Variants in ATXN1 observed in about 807,000 individuals in gnomAD.
ATXN1 encodes ataxin 1, also known as ataxin-1.
Under a neutral mutation model 56.4 loss-of-function variants are expected in ATXN1, and 8 were observed. The ratio of observed to expected loss-of-function variants is 0.14; its 90% confidence interval spans 0.08 to 0.26. The LOEUF is 0.26. Among genes scored for constraint, ATXN1 ranks in the 10% least tolerant of loss-of-function variants. ATXN1 has a pLI of 1.00. For missense variants in ATXN1, 987 were observed against 1,106.5 expected (o/e 0.89, Z 1.53); for synonymous variants, 514 against 494.6 (o/e 1.04, Z -0.52).
chr6:16,318,746 G>GT (rs926760058), intron 7 of ATXN1, among the ~76,000 whole-genome samples: 1 of 152,168 alleles, frequency 6.6e-6, no homozygotes. Flanking sequence ...TAAAAGCTGG[G>GT]TTTTTCTTAC....
At chr6:16,578,069 A>AT (rs1305187315) in intron 4 of ATXN1, among the ~76,000 whole-genome samples, 2 of 152,082 alleles carry the variant, frequency 1.3e-5, no homozygotes, top group African/African-American at 4.8e-5. Flanking sequence ...TCTTGAATTC[A>AT]TTTTTGGTTC....
At chr6:16,478,648 C>A (rs76673595) in intron 6 of ATXN1, among the ~76,000 whole-genome samples, 2 of 152,116 alleles carry the variant, frequency 1.3e-5, no homozygotes, top group African/African-American at 2.4e-5. Flanking sequence ...ATGCTTATAA[C>A]GGGTAGCAAC....
Position 16,571,736 on chromosome 6 carries a change from C to T in ATXN1, c.-361+14044G>A, listed in dbSNP as rs559198733. Among the ~76,000 whole-genome samples the T allele has an allele frequency of 7.2e-5, 11 of 152,250 alleles. No homozygotes were observed. The South Asian group carries it at 2.3e-3, about 32-fold the overall frequency. On this transcript the variant is annotated intron_variant, in intron 4 of 7. Coordinates refer to ENST00000436367, the MANE Select transcript of ATXN1 (RefSeq NM_001128164.2). ...AGTGTAGTGGTGCGATCACAGCTCA[C>T]TGCAGCCTCAAACTCCTAGACTCAA... is the stretch of plus-strand genomic sequence containing the variant.
At chr6:16,717,549 AAGTAGC>A (rs1759664248) in intron 2 of ATXN1, among the ~76,000 whole-genome samples, 1 of 152,234 alleles carries the variant, frequency 6.6e-6, no homozygotes, top group Non-Finnish European at 1.5e-5. Flanking sequence ...CACATCAATA[AAGTAGC>A]TTCCAGTTAG....
In ATXN1 at chr6:16,675,824, G is replaced by A. The variant is rs184812657; in HGVS notation, c.-614-17923C>T. Among the ~76,000 whole-genome samples, 24 of 152,246 alleles carry A rather than the reference G, an allele frequency of 1.6e-4. No homozygotes were observed. In the East Asian group the frequency reaches 3.5e-3, roughly 22 times the overall value. ...GAATCACTTGAACCTGGGAGGTGGAGGCTGCAGTGAGCCAAGATTGCACCA... is the reference window on the plus strand; with the variant it reads ...GAATCACTTGAACCTGGGAGGTGGAAGCTGCAGTGAGCCAAGATTGCACCA... On this transcript the variant is annotated intron_variant, in intron 2 of 7. Transcript: ENST00000436367.
chr6:16,488,452 T>C (rs1760594635), intron 5 of ATXN1, among the ~76,000 whole-genome samples: 1 of 152,238 alleles, frequency 6.6e-6, no homozygotes, highest in African/African-American at 2.4e-5. Context: ...TCCGTCAACC[T>C]TCTCTCTTGG....
At chr6:16,717,846 G>A (rs566351204) in intron 2 of ATXN1, among the ~76,000 whole-genome samples, 111 of 152,316 alleles carry the variant, frequency 7.3e-4, no homozygotes, top group African/African-American at 2.7e-3. Context: ...AGCCCTCGCT[G>A]ACAGCATGGC....
At chr6:16,522,760 C>T (rs1216810367) in intron 4 of ATXN1, 72 bp from the exon 5 acceptor site, 1 of 152,050 alleles carries the variant, frequency 6.6e-6, no homozygotes, top group Admixed American at 6.5e-5. Flanking sequence ...ATGAGCAGGC[C>T]TAGAGGTGAT....
chr6:16,357,260 T>C (rs1292669281), intron 6 of ATXN1, among the ~76,000 whole-genome samples: 1 of 147,278 alleles, frequency 6.8e-6, no homozygotes, highest in Non-Finnish European at 1.5e-5. Context: ...TTATTTTATT[T>C]ATTTTATTTT....
intron 2 of ATXN1, among the ~76,000 whole-genome samples, chr6:16,730,487 G>GTGTATATATATATATATATATACATATA (rs141836403): frequency 7.6e-6 from 1 of 132,060 alleles, no homozygotes; most frequent in Non-Finnish European, 1.7e-5. Context: ...AAAACAGTAT[G>GTGTATATATATATATATATATACATATA]TATATATATA....
chr6:16,404,451 G>T (rs546720257), intron 6 of ATXN1, among the ~76,000 whole-genome samples: 1 of 152,114 alleles, frequency 6.6e-6, no homozygotes, highest in Non-Finnish European at 1.5e-5. Flanking sequence ...ATGAGAGGGC[G>T]TCTGGTTCAC....
At chr6:16,369,042 T>G (rs139250680) in intron 6 of ATXN1, among the ~76,000 whole-genome samples, 1 of 152,332 alleles carries the variant, frequency 6.6e-6, no homozygotes, top group Non-Finnish European at 1.5e-5. Context: ...ACTTATTAAA[T>G]TCAATTAATG....
At chr6:16,701,429 C>A (rs1037589521) in intron 2 of ATXN1, among the ~76,000 whole-genome samples, 5 of 152,190 alleles carry the variant, frequency 3.3e-5, no homozygotes, top group Admixed American at 6.5e-5. Context: ...ACACACAAGA[C>A]AGGGATGCCC....
At position 16,327,993 on chromosome 6, in the gene ATXN1, G is replaced by A. The variant is rs777923390; in HGVS notation, c.318C>T (p.Tyr106=). The change falls in exon 7 of 8, where the codon TAC becomes TAT. Residue 106 remains tyrosine, a synonymous_variant. Transcript: ENST00000436367. ...CCGGGGTCCCTGGCTGCGGGGTGGC[G>A]TACGCGGCAGGCAGCGTGGTGGCCA... ...VPVATTLPAA[Y]ATPQPGTPVS... The A allele has an allele frequency of 3.5e-5, 56 of 1,613,456 alleles. No homozygotes were observed. The highest frequency in any genetic ancestry group is 1.6e-4 in the Middle Eastern group (1 of 6,082).
At chr6:16,734,486 T>C (rs1760067397) in intron 2 of ATXN1, among the ~76,000 whole-genome samples, 1 of 152,162 alleles carries the variant, frequency 6.6e-6, no homozygotes, top group African/African-American at 2.4e-5. Context: ...CTGGTGTGCA[T>C]TTTTGTGTAC....
intron 6 of ATXN1, among the ~76,000 whole-genome samples, chr6:16,451,572 A>G (rs992953144): frequency 5.3e-5 from 8 of 152,148 alleles, no homozygotes; most frequent in Non-Finnish European, 8.8e-5. Flanking sequence ...CCCGACCAAC[A>G]TGGAGGAACC....
intron 6 of ATXN1, among the ~76,000 whole-genome samples, chr6:16,483,944 C>A (rs1294539556): frequency 6.6e-6 from 1 of 152,172 alleles, no homozygotes; most frequent in Non-Finnish European, 1.5e-5. Flanking sequence ...CTAACAGTTA[C>A]CTGATTGGGA....
chr6:16,716,158 C>T (rs1759636655), intron 2 of ATXN1, among the ~76,000 whole-genome samples: 1 of 152,180 alleles, frequency 6.6e-6, no homozygotes, highest in South Asian at 2.1e-4. Flanking sequence ...CTGTATCTAG[C>T]TATCTGACCA....
At position 16,342,238 on chromosome 6, in the gene ATXN1, A is replaced by G. The variant is rs61398920; in HGVS notation, c.-160-13768T>C. Among the ~76,000 whole-genome samples, 203 of 152,194 alleles carry G rather than the reference A, an allele frequency of 1.3e-3. 1 individual carries two copies. Among genetic ancestry groups the G allele is most frequent in the African/African-American group, 4.7e-3 (197 of 41,528 alleles). Reference sequence around the variant, plus strand: ...TCCTTTTCCCCACTTTGCCAACACAAAAGTCGTGTTCTAACCTCCTTTAAT... The same window carrying G: ...TCCTTTTCCCCACTTTGCCAACACAGAAGTCGTGTTCTAACCTCCTTTAAT... On this transcript the variant is annotated intron_variant, in intron 6 of 7. Transcript: ENST00000436367.
Sources: gnomAD v4.1 joint callset for allele counts (sites outside exome capture counted in the v4.1 genomes callset) on GRCh38, gnomAD v4.1.1 for gene constraint, MANE v1.5 for transcripts, NCBI Gene and HGNC (gene_info 2026-07-23, HGNC 2026-07-21) for gene names.